Variants in ADAMTS3 observed in about 807,000 individuals in gnomAD.
The protein encoded by ADAMTS3 is ADAM metallopeptidase with thrombospondin type 1 motif 3, also known as A disintegrin and metalloproteinase with thrombospondin motifs 3.
Under a neutral mutation model 129.0 loss-of-function variants are expected in ADAMTS3, and 73 were observed. The observed-to-expected ratio is 0.57, with a 90% CI of 0.47 to 0.69. The LOEUF is 0.69. ADAMTS3 is among the 30% of genes least tolerant of loss of function. ADAMTS3 has a pLI of 0.00. For synonymous variants in ADAMTS3, 477 were observed against 510.8 expected (o/e 0.93, Z 0.89); for missense variants, 1,457 against 1,514.5 (o/e 0.96, Z 0.63).
intron 3 of ADAMTS3, among the ~76,000 whole-genome samples, chr4:72,456,262 GTATA>G (rs1490154229): frequency 9.6e-4 from 133 of 138,832 alleles, no homozygotes; most frequent in African/African-American, 3.3e-3. Context: ...TATATATACT[GTATA>G]TACTATATAT....
intron 4 of ADAMTS3, among the ~76,000 whole-genome samples, chr4:72,399,234 A>C (rs1721810891): frequency 6.6e-6 from 1 of 152,186 alleles, no homozygotes; most frequent in Non-Finnish European, 1.5e-5. Context: ...GTTTGAGACC[A>C]GCCTGGGCAA....
Position 72,520,281 on chromosome 4 carries a change from G to C in ADAMTS3, c.504+28197C>G, listed in dbSNP as rs962332227. Among the ~76,000 whole-genome samples, 166 of 152,320 alleles carry C rather than the reference G, an allele frequency of 1.1e-3. 2 individuals carry two copies. Among genetic ancestry groups the C allele is most frequent in the Non-Finnish European group, 1.9e-3 (131 of 68,030 alleles). On this transcript the variant is annotated intron_variant, in intron 3 of 21. Coordinates refer to ENST00000286657, the MANE Select transcript of ADAMTS3 (RefSeq NM_014243.3). ...GTGCCTCCCAGTTAGGCTGCTCGGG[G>C]GTCAGGGGTCAGGGACCCACTTGAG...
rs533782324 is a variant in ADAMTS3 at position 72,365,988 on chromosome 4, A to C, written c.662-26295T>G. 9.8e-5 allele frequency among the ~76,000 whole-genome samples: 15 copies of C among 152,344 alleles called. 1 individual carries two copies. In the South Asian group the frequency reaches 3.1e-3, roughly 32 times the overall value. On this transcript the variant is annotated intron_variant, in intron 4 of 21. Transcript: ENST00000286657. ...CACTCCAGCACTAATGAATGCTCCCAGCATTGGACACTGGGTCCATGAAAT... is the reference window on the plus strand; with the variant it reads ...CACTCCAGCACTAATGAATGCTCCCCGCATTGGACACTGGGTCCATGAAAT...
chr4:72,496,601 G>A (rs181033621), intron 3 of ADAMTS3, among the ~76,000 whole-genome samples: 1 of 151,994 alleles, frequency 6.6e-6, no homozygotes, highest in Non-Finnish European at 1.5e-5. Flanking sequence ...AGATTTTCCA[G>A]CCCACCAGGA....
rs199799142 is a variant in ADAMTS3 at position 72,465,498 on chromosome 4, A to G, written c.505-50527T>C. 9.9e-5 allele frequency among the ~76,000 whole-genome samples: 15 copies of G among 152,078 alleles called. No individual in the cohort carries two copies. In the East Asian group the frequency reaches 2.7e-3, roughly 28 times the overall value. On this transcript the variant is annotated intron_variant, in intron 3 of 21. Coordinates refer to ENST00000286657, the MANE Select transcript of ADAMTS3 (RefSeq NM_014243.3). Reference sequence around the variant, plus strand: ...TGGGAGGGTTAAAAGTGGGGGCGATATGATCTGATTTACTTGTTTTAATGT... The same window carrying G: ...TGGGAGGGTTAAAAGTGGGGGCGATGTGATCTGATTTACTTGTTTTAATGT...
At chr4:72,302,800 G>A (rs1460801685) in intron 17 of ADAMTS3, among the ~76,000 whole-genome samples, 2 of 152,250 alleles carry the variant, frequency 1.3e-5, no homozygotes, top group East Asian at 3.9e-4. Context: ...TACATGCAGT[G>A]CAGCAATATA....
intron 3 of ADAMTS3, among the ~76,000 whole-genome samples, chr4:72,466,327 G>C (rs771166899): frequency 1.8e-4 from 27 of 151,990 alleles, no homozygotes; most frequent in Non-Finnish European, 3.5e-4. Context: ...TGTAGTCCAT[G>C]GTAATGAGTT....
intron 3 of ADAMTS3, among the ~76,000 whole-genome samples, chr4:72,496,714 C>T (rs1314162937): frequency 6.6e-6 from 1 of 152,000 alleles, no homozygotes; most frequent in East Asian, 1.9e-4. Flanking sequence ...GTAAGGAAGG[C>T]TCTTTGAACG....
intron 4 of ADAMTS3, among the ~76,000 whole-genome samples, chr4:72,401,566 CA>C (rs374322807): frequency 0.024 from 890 of 37,018 alleles, 5 homozygotes; most frequent in African/African-American, 0.09. Context: ...TACTCTGTCT[CA>C]AAAAAAAAAA....
rs551934429 is a variant in ADAMTS3, at chr4:72,417,784, T to A, written c.505-2813A>T. Among the ~76,000 whole-genome samples, 424 of 150,798 alleles carry A rather than the reference T, an allele frequency of 2.8e-3. 3 individuals are homozygous for A. Among genetic ancestry groups the A allele is most frequent in the African/African-American group, 9.2e-3 (380 of 41,084 alleles). ...TCTCTACTAAAAATACAAAAAAAAA[T>A]TTGCCAGGCGTGGTGGCAGGCGCCT... On this transcript the variant is annotated intron_variant, in intron 3 of 21. Transcript: ENST00000286657.
intron 4 of ADAMTS3, among the ~76,000 whole-genome samples, chr4:72,341,608 A>G (rs1312265623): frequency 6.6e-6 from 1 of 152,204 alleles, no homozygotes. Flanking sequence ...CTGTTGGCAG[A>G]ATGCTCAGAG....
intron 3 of ADAMTS3, among the ~76,000 whole-genome samples, chr4:72,467,293 T>C (rs1718947583): frequency 6.6e-6 from 1 of 152,066 alleles, no homozygotes; most frequent in African/African-American, 2.4e-5. Context: ...TGCTGATCAC[T>C]GTCTCGAGGC....
chr4:72,377,961 T>G (rs1721176235), intron 4 of ADAMTS3, among the ~76,000 whole-genome samples: 1 of 152,164 alleles, frequency 6.6e-6, no homozygotes, highest in South Asian at 2.1e-4. Flanking sequence ...CAAACTGAGC[T>G]CATTCTTTCT....
At position 72,510,568 on chromosome 4, in the gene ADAMTS3, A is replaced by T. The variant is rs200518270; in HGVS notation, c.504+37910T>A. Among the ~76,000 whole-genome samples the T allele has an allele frequency of 5.5e-4, 84 of 152,084 alleles. 1 individual carries two copies. In the East Asian group the frequency reaches 0.015, roughly 27 times the overall value. ...TAGGAATTAACCAAAGAAATAAAAG[A>T]TCTCTATAATGAAAACTATAAAACA... is the stretch of plus-strand genomic sequence containing the variant. On this transcript the variant is annotated intron_variant, in intron 3 of 21. Coordinates refer to ENST00000286657, the MANE Select transcript of ADAMTS3 (RefSeq NM_014243.3).
chr4:72,480,663 T>G (rs1719408435), intron 3 of ADAMTS3, among the ~76,000 whole-genome samples: 1 of 151,134 alleles, frequency 6.6e-6, no homozygotes, highest in Admixed American at 6.6e-5. Context: ...ACCTGCACAT[T>G]GTGCACATGT....
intron 4 of ADAMTS3, among the ~76,000 whole-genome samples, chr4:72,397,255 AC>A (rs1721747893): frequency 6.6e-6 from 1 of 152,036 alleles, no homozygotes; most frequent in Non-Finnish European, 1.5e-5. Context: ...AACCGTTCTT[AC>A]CCGAGACAAA....
chr4:72,503,807 T>C (rs1720086017), intron 3 of ADAMTS3, among the ~76,000 whole-genome samples: 1 of 152,218 alleles, frequency 6.6e-6, no homozygotes, highest in African/African-American at 2.4e-5. Flanking sequence ...TATTTAAGAC[T>C]GTTAAGTCTT....
intron 4 of ADAMTS3, among the ~76,000 whole-genome samples, chr4:72,347,498 T>A (rs1002669527): frequency 6.6e-6 from 1 of 151,978 alleles, no homozygotes; most frequent in African/African-American, 2.4e-5. Flanking sequence ...ATTTCCCAAT[T>A]TGTTTATTTT....
At chr4:72,501,643 G>A (rs1227159720) in intron 3 of ADAMTS3, among the ~76,000 whole-genome samples, 1 of 152,082 alleles carries the variant, frequency 6.6e-6, no homozygotes, top group East Asian at 1.9e-4. Context: ...AGGACTCCCA[G>A]TACTATGTTG....
Sources: gnomAD v4.1 joint callset for allele counts (sites outside exome capture counted in the v4.1 genomes callset) on GRCh38, gnomAD v4.1.1 for gene constraint, MANE v1.5 for transcripts, NCBI Gene and HGNC (gene_info 2026-07-23, HGNC 2026-07-21) for gene names.